Variants in SPAG16 observed in about 807,000 individuals in gnomAD.
SPAG16 encodes sperm associated antigen 16.
SPAG16 carries 86 observed loss-of-function variants against 80.4 expected under a neutral mutation model. That is an observed-to-expected ratio of 1.07 (90% CI 0.90 to 1.28). The LOEUF is 1.28. Ranked by LOEUF, SPAG16 falls within the 50% of genes most tolerant of loss-of-function variation. The pLI is 0.00. For synonymous variants in SPAG16, 294 were observed against 265.9 expected (o/e 1.11, Z -1.03); for missense variants, 870 against 765.3 (o/e 1.14, Z -1.61).
chr2:213,999,708 C>T (rs760460771), intron 12 of SPAG16, among the ~76,000 whole-genome samples: 12 of 152,248 alleles, frequency 7.9e-5, no homozygotes, highest in Non-Finnish European at 1.5e-4. Context: ...GAGAGAGAGG[C>T]TGTACCCTGC....
chr2:213,365,399 A>G (rs1410801725), intron 8 of SPAG16: 1 of 152,230 alleles, frequency 6.6e-6, no homozygotes, highest in Non-Finnish European at 1.5e-5. Context: ...AGAAATGAGA[A>G]CAAGCATACA....
At chr2:214,293,380 G>T (rs537786259) in intron 15 of SPAG16, among the ~76,000 whole-genome samples, 6 of 152,176 alleles carry the variant, frequency 3.9e-5, no homozygotes, top group African/African-American at 1.4e-4. Context: ...TGGTAGGTTG[G>T]ATAATCCTGA....
chr2:214,054,873 T>C (rs1156661284), intron 13 of SPAG16, among the ~76,000 whole-genome samples: 1 of 152,172 alleles, frequency 6.6e-6, no homozygotes, highest in Non-Finnish European at 1.5e-5. Context: ...CAATTAGCAG[T>C]ATTCTATTGG....
intron 10 of SPAG16, among the ~76,000 whole-genome samples, chr2:213,741,248 T>A (rs2067537982): frequency 6.6e-6 from 1 of 152,196 alleles, no homozygotes; most frequent in South Asian, 2.1e-4. Flanking sequence ...TTTCTATGTA[T>A]AAGTATATTT....
chr2:214,220,859 A>G (rs950778701), intron 15 of SPAG16, among the ~76,000 whole-genome samples: 1 of 152,080 alleles, frequency 6.6e-6, no homozygotes, highest in Non-Finnish European at 1.5e-5. Flanking sequence ...TCCTTTATCT[A>G]CTTTATCTTT....
At chr2:214,018,055 ATGTAC>A (rs1289928912) in intron 13 of SPAG16, among the ~76,000 whole-genome samples, 1 of 152,116 alleles carries the variant, frequency 6.6e-6, no homozygotes, top group Non-Finnish European at 1.5e-5. Flanking sequence ...ATTGATAGCT[ATGTAC>A]TGTAAAAAAC....
At chr2:214,333,362 T>C (rs1697060755) in intron 15 of SPAG16, among the ~76,000 whole-genome samples, 1 of 152,238 alleles carries the variant, frequency 6.6e-6, no homozygotes, top group Non-Finnish European at 1.5e-5. Flanking sequence ...GTTCTGCATG[T>C]CATGCCACCC....
intron 15 of SPAG16, among the ~76,000 whole-genome samples, chr2:214,197,957 C>G (rs749218834): frequency 1.3e-4 from 20 of 151,878 alleles, no homozygotes; most frequent in South Asian, 6.2e-4. Context: ...TGACTTTTTA[C>G]CTGGCCATTG....
chr2:214,121,786 A>G (rs865930314), intron 14 of SPAG16, among the ~76,000 whole-genome samples: 50 of 151,936 alleles, frequency 3.3e-4, no homozygotes, highest in African/African-American at 1.1e-3. Flanking sequence ...TGTTTCATGT[A>G]TAAAATTATT....
intron 10 of SPAG16, among the ~76,000 whole-genome samples, chr2:213,719,862 A>G (rs1427287157): frequency 6.6e-6 from 1 of 152,222 alleles, no homozygotes; most frequent in African/African-American, 2.4e-5. Context: ...ATTATAAATC[A>G]TTCTACTGCA....
At chr2:214,353,679 T>G (rs2126054758) in intron 15 of SPAG16, among the ~76,000 whole-genome samples, 1 of 152,276 alleles carries the variant, frequency 6.6e-6, no homozygotes, top group South Asian at 2.1e-4. Flanking sequence ...AAGATATGAT[T>G]CCTCCCCTAG....
At chr2:213,447,840 G>A (rs187172786) in intron 9 of SPAG16, among the ~76,000 whole-genome samples, 4 of 152,314 alleles carry the variant, frequency 2.6e-5, no homozygotes, top group East Asian at 1.9e-4. Context: ...ATGTTGGTTC[G>A]AGCTCAAGAA....
At chr2:213,408,107 C>A (rs547605134) in intron 9 of SPAG16, among the ~76,000 whole-genome samples, 22 of 140,842 alleles carry the variant, frequency 1.6e-4, no homozygotes, top group Non-Finnish European at 3.3e-4. Context: ...AGTAAAAAAA[C>A]AAAAACAAAG....
At chr2:213,348,144 T>C (rs904455423) in intron 6 of SPAG16, among the ~76,000 whole-genome samples, 2 of 152,206 alleles carry the variant, frequency 1.3e-5, no homozygotes, top group East Asian at 3.8e-4. Context: ...GTAATGGCCT[T>C]CTTTGTCTCT....
chr2:214,043,868 CTT>C (rs1221440980), intron 13 of SPAG16, among the ~76,000 whole-genome samples: 2 of 152,030 alleles, frequency 1.3e-5, no homozygotes, highest in African/African-American at 2.4e-5. Flanking sequence ...CATATACACA[CTT>C]ATATGTTCAT....
At chr2:213,792,271 T>G (rs545292527) in intron 10 of SPAG16, among the ~76,000 whole-genome samples, 4 of 152,366 alleles carry the variant, frequency 2.6e-5, no homozygotes, top group African/African-American at 9.6e-5. Context: ...CTGTACTGAC[T>G]GTGCAATATT....
intron 15 of SPAG16, among the ~76,000 whole-genome samples, chr2:214,273,122 C>A (rs1466904083): frequency 6.6e-6 from 1 of 152,130 alleles, no homozygotes; most frequent in African/African-American, 2.4e-5. Flanking sequence ...ATCCTTTGCA[C>A]ACTTTTTGAT....
intron 15 of SPAG16, among the ~76,000 whole-genome samples, chr2:214,217,688 CTATTTAA>C (rs748757064): frequency 2.0e-5 from 3 of 152,170 alleles, no homozygotes; most frequent in Non-Finnish European, 2.9e-5. Context: ...TGTTTCACAA[CTATTTAA>C]TATCTGCAAA....
chr2:213,320,718 C>G (rs942545531), intron 5 of SPAG16, among the ~76,000 whole-genome samples: 1 of 152,026 alleles, frequency 6.6e-6, no homozygotes, highest in Admixed American at 6.6e-5. Flanking sequence ...CTAGTTTCAT[C>G]TATGTTCCTG....
Sources: allele counts gnomAD v4.1 joint callset (sites outside exome capture counted in the v4.1 genomes callset), GRCh38; gene constraint gnomAD v4.1.1; transcripts MANE v1.5; gene names NCBI Gene and HGNC (gene_info 2026-07-23, HGNC 2026-07-21).